AGTPBP1: variants seen among roughly 807,000 people sequenced by gnomAD.
The protein encoded by AGTPBP1 is ATP/GTP binding carboxypeptidase 1.
Under a neutral mutation model 143.9 loss-of-function variants are expected in AGTPBP1, and 70 were observed. The ratio of observed to expected loss-of-function variants is 0.49; its 90% CI spans 0.40 to 0.59. AGTPBP1 has a LOEUF of 0.59. Among genes scored for constraint, AGTPBP1 ranks in the 20% least tolerant of loss-of-function variants. The probability of loss-of-function intolerance (pLI) is 0.00; values close to 1 mark genes in which losing one functional copy is unlikely to be tolerated. For missense variants in AGTPBP1, 1,229 were observed against 1,464.5 expected, an observed-to-expected ratio of 0.84 and a Z score of 2.62; for synonymous variants, 463 against 500.2, an observed-to-expected ratio of 0.93 and a Z score of 0.99.
intron 25 of AGTPBP1, among the ~76,000 whole-genome samples, chr9:85,548,974 C>T (rs1480548648): frequency 3.3e-5 from 5 of 152,152 alleles, no homozygotes; most frequent in African/African-American, 1.2e-4. Context: ...CACACCCGAC[C>T]TTATTTGGCC....
At chr9:85,618,438 C>CCAAA (rs1234914818) in intron 17 of AGTPBP1, among the ~76,000 whole-genome samples, 2 of 151,994 alleles carry the variant, frequency 1.3e-5, no homozygotes, top group South Asian at 2.1e-4. Context: ...AGATACAGTA[C>CCAAA]CAAACAAACA....
the AGTPBP1 span, among the ~76,000 whole-genome samples, chr9:85,787,532 A>C: frequency 2.0e-5 from 3 of 152,118 alleles, no homozygotes; most frequent in African/African-American, 4.8e-5. Flanking sequence ...TAAATATGTC[A>C]ATGAAATTTT....
intron 23 of AGTPBP1, among the ~76,000 whole-genome samples, chr9:85,581,010 TA>T (rs1452730433): frequency 6.6e-6 from 1 of 152,246 alleles, no homozygotes; most frequent in Non-Finnish European, 1.5e-5. Flanking sequence ...TGTCTAGTAT[TA>T]AGAGAATGAC....
chr9:85,636,798 C>T (rs1465775955), intron 13 of AGTPBP1, among the ~76,000 whole-genome samples: 1 of 151,992 alleles, frequency 6.6e-6, no homozygotes, highest in Non-Finnish European at 1.5e-5. Context: ...TTTTCCAAAT[C>T]TTATGAGAAA....
At chr9:85,740,248 C>T (rs1367626620) in intron 1 of AGTPBP1, among the ~76,000 whole-genome samples, 1 of 152,158 alleles carries the variant, frequency 6.6e-6, no homozygotes, top group Non-Finnish European at 1.5e-5. Flanking sequence ...CACTTCATTT[C>T]CGAGTTCAGA....
the AGTPBP1 span, among the ~76,000 whole-genome samples, chr9:85,768,082 C>T: frequency 2.6e-5 from 4 of 152,182 alleles, no homozygotes; most frequent in Admixed American, 6.5e-5. Flanking sequence ...CCCATTGCCA[C>T]GTATCTTGTC....
chr9:85,727,543 G>C (rs1179422826), intron 1 of AGTPBP1, among the ~76,000 whole-genome samples: 1 of 152,194 alleles, frequency 6.6e-6, no homozygotes, highest in African/African-American at 2.4e-5. Flanking sequence ...CAGAAATACA[G>C]TGGCTTAGCA....
the AGTPBP1 span, among the ~76,000 whole-genome samples, chr9:85,779,950 T>C: frequency 6.6e-6 from 1 of 152,206 alleles, no homozygotes; most frequent in Non-Finnish European, 1.5e-5. Context: ...CAACTGAATA[T>C]CAGACATAAA....
At chr9:85,628,787 C>G (rs769995249) in intron 14 of AGTPBP1, among the ~76,000 whole-genome samples, 3 of 152,148 alleles carry the variant, frequency 2.0e-5, no homozygotes, top group Non-Finnish European at 4.4e-5. Flanking sequence ...GATCTCAGCT[C>G]ACCGCAACCT....
intron 25 of AGTPBP1, among the ~76,000 whole-genome samples, chr9:85,551,411 C>T (rs952625945): frequency 6.6e-6 from 1 of 152,162 alleles, no homozygotes; most frequent in African/African-American, 2.4e-5. Flanking sequence ...TTGTACCTTG[C>T]ACATTCTATC....
chr9:85,570,632 C>T (rs768610588), intron 25 of AGTPBP1, among the ~76,000 whole-genome samples: 44 of 152,180 alleles, frequency 2.9e-4, no homozygotes, highest in Admixed American at 5.9e-4. Flanking sequence ...ACTATCGACT[C>T]CCCTCAGGAC....
chr9:85,619,161 A>G, intron 16 of AGTPBP1, 30 bp from the exon 17 acceptor site: 1 of 1,610,598 alleles, frequency 6.2e-7, no homozygotes, highest in South Asian at 1.1e-5. Flanking sequence ...AAATCTGATG[A>G]AAATTAGGAA....
intron 25 of AGTPBP1, among the ~76,000 whole-genome samples, chr9:85,571,204 T>C (rs1207460621): frequency 1.3e-5 from 2 of 152,156 alleles, no homozygotes; most frequent in Admixed American, 1.3e-4. Flanking sequence ...AATAAATAAC[T>C]ACTAGCACCG....
chr9:85,771,697 G>A, the AGTPBP1 span, among the ~76,000 whole-genome samples: 3 of 149,932 alleles, frequency 2.0e-5, no homozygotes, highest in African/African-American at 7.4e-5. Flanking sequence ...CTGTGGCCCA[G>A]GCTGGAGTGC....
chr9:85,768,301 TA>T, the AGTPBP1 span, among the ~76,000 whole-genome samples: 5 of 152,344 alleles, frequency 3.3e-5, no homozygotes, highest in African/African-American at 4.8e-5. Context: ...TTGTTTTTGA[TA>T]AAATATAGTC....
At chr9:85,677,304 T>A (rs575524019) in intron 6 of AGTPBP1, 132 bp downstream of exon 6, 1 of 797,386 alleles carries the variant, frequency 1.3e-6, no homozygotes, top group East Asian at 2.9e-5. Flanking sequence ...CCCATAAACA[T>A]GTACAATTAT....
chr9:85,761,121 A>G, the AGTPBP1 span, among the ~76,000 whole-genome samples: 1 of 152,234 alleles, frequency 6.6e-6, no homozygotes, highest in African/African-American at 2.4e-5. Context: ...GCAACATAAA[A>G]GAGGACAAAA....
intron 25 of AGTPBP1, among the ~76,000 whole-genome samples, chr9:85,561,430 C>T (rs1449683126): frequency 6.7e-6 from 1 of 149,734 alleles, no homozygotes; most frequent in Admixed American, 6.7e-5. Flanking sequence ...AGGGCAACAA[C>T]AAGACAAATA....
the AGTPBP1 span, among the ~76,000 whole-genome samples, chr9:85,763,064 T>C: frequency 6.6e-6 from 1 of 151,902 alleles, no homozygotes; most frequent in Non-Finnish European, 1.5e-5. Flanking sequence ...GTTTAAGATC[T>C]GAAGCAATCT....
Sources: allele counts gnomAD v4.1 joint callset (sites outside exome capture counted in the v4.1 genomes callset), GRCh38; gene constraint gnomAD v4.1.1; transcripts MANE v1.5; gene names NCBI Gene and HGNC (gene_info 2026-07-23, HGNC 2026-07-21).